Variants in JAK2 observed in about 807,000 individuals in gnomAD.
The protein encoded by JAK2 is Janus kinase 2, also known as tyrosine-protein kinase JAK2.
In JAK2, 86 loss-of-function variants were observed where a neutral mutation model predicts 139.3. The observed-to-expected ratio is 0.62, with a 90% confidence interval of 0.52 to 0.74. JAK2 has a LOEUF of 0.74. Among genes scored for constraint, JAK2 ranks in the 30% least tolerant of loss-of-function variants. JAK2 has a pLI of 0.00. For synonymous variants in JAK2, 490 were observed against 437.7 expected (o/e 1.12, Z -1.49); for missense variants, 1,421 against 1,360.3 (o/e 1.04, Z -0.70).
chr9:5,113,991 G>A (rs1586824760), intron 22 of JAK2: 1 of 270,754 alleles, frequency 3.7e-6, no homozygotes, highest in East Asian at 1.1e-4. Context: ...CTGGCTGGAG[G>A]ATGGGCAGGT....
At position 5,126,762 on chromosome 9, in the gene JAK2, G is replaced by A; in HGVS notation, c.3370G>A (p.Asp1124Asn). The A allele has an allele frequency of 6.2e-7, 1 of 1,609,196 alleles. No individual in the cohort carries two copies. Among genetic ancestry groups the A allele is most frequent in the Non-Finnish European group, 8.5e-7 (1 of 1,176,356 alleles). ...CTTTAGGGATCTAGCTCTTCGAGTG[G>A]ATCAAATAAGGGATAACATGGCTGG... ...PSFRDLALRVDQIRDNMAG is the reference protein window; with the variant it reads ...PSFRDLALRVNQIRDNMAG Residue 1124 changes from aspartate (D) to asparagine (N), a missense_variant, in exon 25 of 25, where the codon GAT (aspartate) becomes AAT (asparagine). Physicochemically the swap from Asp to Asn is conservative, Grantham distance 23. Coordinates refer to ENST00000381652, the MANE Select transcript of JAK2 (RefSeq NM_004972.4).
intron 4 of JAK2, among the ~76,000 whole-genome samples, chr9:5,042,137 T>C (rs1425746033): frequency 7.3e-6 from 1 of 136,376 alleles, no homozygotes; most frequent in East Asian, 2.0e-4. Flanking sequence ...TTTTTTTTTT[T>C]TTTTTTTTTT....
At chr9:5,114,244 C>T (rs1349610440) in intron 22 of JAK2, 4 of 533,432 alleles carry the variant, frequency 7.5e-6, no homozygotes, top group Non-Finnish European at 1.5e-5. Flanking sequence ...AAGTTGCCCA[C>T]AATCACCTGT....
chr9:5,116,766 C>T (rs1267028531), intron 22 of JAK2, among the ~76,000 whole-genome samples: 2 of 152,156 alleles, frequency 1.3e-5, no homozygotes, highest in Non-Finnish European at 2.9e-5. Flanking sequence ...AAAAGTTTGA[C>T]GTGATAGGCA....
At chr9:5,067,576 T>G (rs552697921) in intron 10 of JAK2, among the ~76,000 whole-genome samples, 73 of 152,166 alleles carry the variant, frequency 4.8e-4, no homozygotes, top group Non-Finnish European at 8.8e-4. Flanking sequence ...TGTGTAAAAC[T>G]GGTAATCTAT....
intron 12 of JAK2, among the ~76,000 whole-genome samples, chr9:5,071,209 C>T (rs1261540084): frequency 2.6e-5 from 4 of 152,166 alleles, no homozygotes; most frequent in Non-Finnish European, 1.5e-5. Context: ...TTCGGAACCA[C>T]ATACTCTTAA....
intron 2 of JAK2, among the ~76,000 whole-genome samples, chr9:5,006,329 T>C (rs1220013763): frequency 1.3e-5 from 2 of 152,190 alleles, no homozygotes; most frequent in African/African-American, 4.8e-5. Flanking sequence ...GTGATTTTTG[T>C]ACATTGATTT....
intron 2 of JAK2, among the ~76,000 whole-genome samples, chr9:5,013,189 T>C (rs1821812051): frequency 6.6e-6 from 1 of 152,212 alleles, no homozygotes; most frequent in Non-Finnish European, 1.5e-5. Context: ...AAGCACTTTT[T>C]TTCTAATAAC....
At chr9:5,029,545 C>G (rs1438235151) in intron 3 of JAK2, among the ~76,000 whole-genome samples, 2 of 151,924 alleles carry the variant, frequency 1.3e-5, no homozygotes, top group Non-Finnish European at 2.9e-5. Context: ...AAAAAAACCC[C>G]ACAATATCTG....
chr9:5,038,790 T>C (rs1333677838), intron 4 of JAK2, among the ~76,000 whole-genome samples: 1 of 152,064 alleles, frequency 6.6e-6, no homozygotes, highest in African/African-American at 2.4e-5. Flanking sequence ...AGTTTGTTTA[T>C]AAAAAGATGA....
intron 22 of JAK2, chr9:5,094,464 C>T (rs762607564): frequency 1.3e-5 from 2 of 152,102 alleles, no homozygotes; most frequent in South Asian, 2.1e-4. Flanking sequence ...ATGTACTGAT[C>T]GGCACACTAC....
At chr9:5,069,266 G>T in intron 11 of JAK2, 58 bp downstream of exon 11, 1 of 1,171,344 alleles carries the variant, frequency 8.5e-7, no homozygotes, top group East Asian at 2.4e-5. Flanking sequence ...TATGTGGCGT[G>T]AAGTATCTTC....
chr9:5,126,842 T>C lies in JAK2; in HGVS notation c.*51T>C. On this transcript the variant is annotated 3_prime_UTR_variant, in exon 25 of 25. Transcript: ENST00000381652. ...AAAGTAGATTTACAGAACAAAGTTT[T>C]ATATTTCACATTGCTGTGGACTATT... 1 of 1,084,126 alleles carries C rather than the reference T, an allele frequency of 9.2e-7. No individual in the cohort carries two copies. Among genetic ancestry groups the C allele is most frequent in the African/African-American group, 1.6e-5 (1 of 63,582 alleles). 67.2% of individuals were successfully genotyped at this position (1,084,126 alleles called of 1,614,324 possible).
intron 4 of JAK2, among the ~76,000 whole-genome samples, chr9:5,037,408 G>A (rs1257926513): frequency 3.3e-5 from 5 of 152,136 alleles, no homozygotes; most frequent in Admixed American, 2.0e-4. Flanking sequence ...ACATGCACAC[G>A]TATGTTTATT....
chr9:5,011,807 T>C lies in JAK2; in HGVS notation c.-25-10156T>C, dbSNP rs1199081168. ...ATTTACTAGCAGACCAACTTGATCCTGCGGAGGCTTGGTTTTAGGCTTTGT... is the reference window on the plus strand; with the variant it reads ...ATTTACTAGCAGACCAACTTGATCCCGCGGAGGCTTGGTTTTAGGCTTTGT... On this transcript the variant is annotated intron_variant, in intron 2 of 24. Transcript: ENST00000381652. Among the ~76,000 whole-genome samples the C allele has an allele frequency of 3.3e-5, 5 of 152,234 alleles. No homozygotes were observed. The East Asian group carries it at 9.6e-4, about 29-fold the overall frequency.
At chr9:4,992,269 G>A (rs1345252530) in intron 2 of JAK2, among the ~76,000 whole-genome samples, 1 of 152,088 alleles carries the variant, frequency 6.6e-6, no homozygotes, top group Admixed American at 6.5e-5. Flanking sequence ...GCTTCAGGGT[G>A]GTCACCTTTC....
chr9:4,985,836 C>T (rs1819920316), intron 1 of JAK2, 104 bp from the exon 2 acceptor site: 2 of 152,626 alleles, frequency 1.3e-5, no homozygotes, highest in Non-Finnish European at 2.9e-5. Flanking sequence ...GCTCCCGCCT[C>T]CTTATTCCTT....
intron 19 of JAK2, chr9:5,085,158 G>T (rs1819987094): frequency 9.2e-6 from 6 of 649,308 alleles, no homozygotes; most frequent in African/African-American, 7.2e-5. Flanking sequence ...GTGGAGCTCT[G>T]TCTACATCTC....
At chr9:5,058,675 T>C (rs1030275282) in intron 8 of JAK2, among the ~76,000 whole-genome samples, 10 of 152,152 alleles carry the variant, frequency 6.6e-5, no homozygotes, top group African/African-American at 2.2e-4. Context: ...CTACCAGGAG[T>C]ACATTCTCCA....
Sources: allele counts gnomAD v4.1 joint callset (sites outside exome capture counted in the v4.1 genomes callset), GRCh38; gene constraint gnomAD v4.1.1; transcripts MANE v1.5; gene names NCBI Gene and HGNC (gene_info 2026-07-23, HGNC 2026-07-21).